Variants in MOGAT2 observed in about 807,000 individuals in gnomAD.
The protein encoded by MOGAT2 is 2-acylglycerol O-acyltransferase 2.
In MOGAT2, 27 loss-of-function variants were observed where a neutral mutation model predicts 31.5. The ratio of observed to expected loss-of-function variants is 0.86; its 90% CI spans 0.63 to 1.18. MOGAT2 has a LOEUF of 1.18. Among genes scored for constraint, MOGAT2 ranks in the 50% most tolerant of loss-of-function variants. The pLI is 0.00. For synonymous variants in MOGAT2, 163 were observed against 170.0 expected (o/e 0.96, Z 0.32); for missense variants, 436 against 433.2 (o/e 1.01, Z -0.06).
At position 75,727,556 on chromosome 11, in the gene MOGAT2, T is replaced by C; in HGVS notation, c.392T>C (p.Ile131Thr). The C allele has an allele frequency of 6.2e-7, 1 of 1,614,176 alleles. No individual in the cohort carries two copies. ...LCTESTGFSSIFPGIRPHLMM... is the reference protein window; with the variant it reads ...LCTESTGFSSTFPGIRPHLMM... ...ACTGAGAGCACAGGCTTCTCTTCGA[T>C]CTTCCCCGGTATCCGCCCCCATCTG... is the stretch of plus-strand genomic sequence containing the variant. The change falls in exon 3 of 6, where the codon ATC becomes ACC. Residue 131 changes from isoleucine (I) to threonine (T), a missense_variant. Physicochemically the swap from Ile to Thr is moderately conservative, Grantham distance 89. Transcript: ENST00000198801.
At chr11:75,726,398 G>C (rs867727945) in intron 2 of MOGAT2, among the ~76,000 whole-genome samples, 74 of 152,160 alleles carry the variant, frequency 4.9e-4, no homozygotes, top group African/African-American at 1.7e-3. Flanking sequence ...GACATCCATT[G>C]GGGACTGGTT....
In MOGAT2 at chr11:75,726,452, C is replaced by T. The variant is rs112265742; in HGVS notation, c.271-983C>T. Among the ~76,000 whole-genome samples the T allele has an allele frequency of 1.4e-3, 207 of 152,274 alleles. 2 individuals are homozygous for T. Among genetic ancestry groups the T allele is most frequent in the African/African-American group, 4.7e-3 (194 of 41,572 alleles). On this transcript the variant is annotated intron_variant, in intron 2 of 5. Transcript: ENST00000198801. ...CCAAAATCCACTGATGCTCACGTCCCTCGTATAAAATGATGTAATATTTGC... is the reference window on the plus strand; with the variant it reads ...CCAAAATCCACTGATGCTCACGTCCTTCGTATAAAATGATGTAATATTTGC...
At chr11:75,728,238 T>C (rs1302337879) in intron 4 of MOGAT2, 94 bp downstream of exon 4, 2 of 1,354,188 alleles carry the variant, frequency 1.5e-6, no homozygotes, top group South Asian at 1.3e-5. Context: ...ATGCAGATTC[T>C]ATTTTGGTAG....
At chr11:75,728,725 G>A in intron 4 of MOGAT2, 65 bp from the exon 5 acceptor site, 1 of 1,400,432 alleles carries the variant, frequency 7.1e-7, no homozygotes, top group Non-Finnish European at 1.0e-6. Context: ...GGAAGCTAAA[G>A]GGCCTTTCAG....
At chr11:75,730,999 T>C in intron 5 of MOGAT2, 133 bp from the exon 6 acceptor site, 1 of 569,008 alleles carries the variant, frequency 1.8e-6, no homozygotes, top group Non-Finnish European at 2.9e-6. Flanking sequence ...GTTGCCCTAA[T>C]ATCTTAAAAT....
intron 2 of MOGAT2, 31 bp from the exon 3 acceptor site, chr11:75,727,404 G>A (rs773134532): frequency 2.5e-5 from 40 of 1,602,262 alleles, no homozygotes; most frequent in African/African-American, 4.0e-5. Context: ...CACAGGCCCC[G>A]CCCTGGCTCA....
chr11:75,720,232 G>A, intron 2 of MOGAT2, 62 bp downstream of exon 2: 1 of 1,547,430 alleles, frequency 6.5e-7, no homozygotes, highest in South Asian at 1.2e-5. Context: ...CAGGGCCAGA[G>A]TGCCGACGTC....
chr11:75,724,985 G>A (rs1200583629), intron 2 of MOGAT2, among the ~76,000 whole-genome samples: 1 of 152,138 alleles, frequency 6.6e-6, no homozygotes, highest in East Asian at 1.9e-4. Context: ...CCCTGCTGAT[G>A]GTCATTTAAG....
Position 75,727,459 on chromosome 11 carries a change from C to G in MOGAT2, c.295C>G (p.Pro99Ala). 1 of 1,614,102 alleles carries G rather than the reference C, an allele frequency of 6.2e-7. No individual in the cohort carries two copies. Among genetic ancestry groups the G allele is most frequent in the Non-Finnish European group, 8.5e-7 (1 of 1,180,008 alleles). ...GCTGGTCAAGACTGCTGAGCTGGAC[C>G]CCTCTCGGAACTACATTGCGGGCTT... ...ISLVKTAELD[P>A]SRNYIAGFHP... Residue 99 changes from proline to alanine, a missense_variant, in exon 3 of 6, where the codon CCC becomes GCC. Transcript: ENST00000198801.
intron 2 of MOGAT2, among the ~76,000 whole-genome samples, chr11:75,723,471 C>T (rs1425594923): frequency 6.6e-6 from 1 of 151,864 alleles, no homozygotes; most frequent in Non-Finnish European, 1.5e-5. Flanking sequence ...CCTTTACTGC[C>T]CAGGCCCCGC....
chr11:75,729,740 C>CTTTTTTTTTT lies in MOGAT2; in HGVS notation c.850+754_850+763dup, dbSNP rs543037592. 1.6e-5 allele frequency among the ~76,000 whole-genome samples: 2 copies of CTTTTTTTTTT among 121,402 alleles called. 1 individual carries two copies. Among genetic ancestry groups the CTTTTTTTTTT allele is most frequent in the Non-Finnish European group, 3.2e-5 (2 of 61,640 alleles). The allele number at this position is 121,402 out of a possible 152,430, so 79.6% of individuals were successfully genotyped here. A position where few individuals can be genotyped will look rare whatever the true frequency, so the allele number is the denominator to read the frequency against. ...AATGCCAGAGAAGGAGGGTTTAATT[C>CTTTTTTTTTT]TTTTTTTTTTTTGTTTTTTTTTGAG... On this transcript the variant is annotated intron_variant, in intron 5 of 5. Transcript: ENST00000198801.
rs892134525 is a variant in MOGAT2, at chr11:75,731,608, G to A, written c.*322G>A. The A allele has an allele frequency of 3.2e-5, 8 of 247,944 alleles. No individual in the cohort carries two copies. The highest frequency in any genetic ancestry group is 1.4e-4 in the African/African-American group (6 of 42,704). The allele number at this position is 247,944 out of a possible 1,614,324, so 15.4% of individuals were successfully genotyped here. A position where few individuals can be genotyped will look rare whatever the true frequency, so the allele number is the denominator to read the frequency against. On this transcript the variant is annotated 3_prime_UTR_variant, in exon 6 of 6. Coordinates refer to ENST00000198801, the MANE Select transcript of MOGAT2 (RefSeq NM_025098.4). ...ATGAGAGCCAAAGCTGCACGGACTC[G>A]AGTCCTAGGCTGCACACCTCACAAG...
chr11:75,726,124 C>T (rs553416167), intron 2 of MOGAT2, among the ~76,000 whole-genome samples: 1 of 152,338 alleles, frequency 6.6e-6, no homozygotes, highest in Non-Finnish European at 1.5e-5. Flanking sequence ...AGCTCTCTCT[C>T]ACTCAATCTA....
chr11:75,725,463 G>T (rs1451927746), intron 2 of MOGAT2, among the ~76,000 whole-genome samples: 1 of 152,114 alleles, frequency 6.6e-6, no homozygotes. Flanking sequence ...CATAAAAATT[G>T]TTTGAACCTG....
chr11:75,721,219 A>G (rs1944374243), intron 2 of MOGAT2, among the ~76,000 whole-genome samples: 1 of 152,188 alleles, frequency 6.6e-6, no homozygotes, highest in South Asian at 2.1e-4. Flanking sequence ...TAAAATGGGG[A>G]TAATGACACA....
intron 2 of MOGAT2, among the ~76,000 whole-genome samples, chr11:75,724,246 G>GCCC: frequency 6.6e-6 from 1 of 152,316 alleles, no homozygotes; most frequent in East Asian, 1.9e-4. Context: ...CTTCCTTCAT[G>GCCC]CTATACCCTT....
chr11:75,725,107 G>A (rs970122340), intron 2 of MOGAT2, among the ~76,000 whole-genome samples: 3 of 152,234 alleles, frequency 2.0e-5, no homozygotes, highest in African/African-American at 7.2e-5. Flanking sequence ...CCTCAGCAGT[G>A]GAGTTGCTGG....
intron 5 of MOGAT2, 100 bp downstream of exon 5, chr11:75,729,089 A>C (rs760946420): frequency 1.2e-5 from 13 of 1,097,472 alleles, no homozygotes; most frequent in Admixed American, 1.9e-5. Context: ...TTCCTGCCCT[A>C]ATGGGGCTCA....
rs1402508288 is a variant in MOGAT2, at chr11:75,729,343, C to T, written c.850+354C>T. On this transcript the variant is annotated intron_variant, in intron 5 of 5. Transcript: ENST00000198801. ...AGCCTGGAGTGCAATGGCACAATCT[C>T]AGCTCACTGCAACCTCCGCCTCCTG... is the stretch of plus-strand genomic sequence containing the variant. 2.6e-5 allele frequency among the ~76,000 whole-genome samples: 4 copies of T among 152,224 alleles called. No homozygotes were observed. The East Asian group carries it at 7.7e-4, about 29-fold the overall frequency.
Sources: allele counts gnomAD v4.1 joint callset (sites outside exome capture counted in the v4.1 genomes callset), GRCh38; gene constraint gnomAD v4.1.1; transcripts MANE v1.5; gene names NCBI Gene and HGNC (gene_info 2026-07-23, HGNC 2026-07-21).